GRIN2A: variants seen among roughly 807,000 people sequenced by gnomAD.
The protein encoded by GRIN2A is glutamate ionotropic receptor NMDA type subunit 2A.
GRIN2A carries 22 observed loss-of-function variants against 113.4 expected under a neutral mutation model. The observed-to-expected ratio is 0.19, with a 90% CI of 0.14 to 0.28. The LOEUF is 0.28. GRIN2A is among the 10% of genes least tolerant of loss of function. The pLI, the probability that GRIN2A is intolerant of heterozygous loss-of-function variation, is 1.00. For missense variants in GRIN2A, 1,502 were observed against 1,887.0 expected, an observed-to-expected ratio of 0.80 and a Z score of 3.78; for synonymous variants, 827 against 738.4, an observed-to-expected ratio of 1.12 and a Z score of -1.94.
At chr16:9,948,764 G>A (rs1004073864) in intron 2 of GRIN2A, among the ~76,000 whole-genome samples, 1 of 152,216 alleles carries the variant, frequency 6.6e-6, no homozygotes, top group African/African-American at 2.4e-5. Context: ...AAGCCATCCA[G>A]GAACGAGAAG....
chr16:10,170,436 A>T (rs1435717044), intron 2 of GRIN2A, among the ~76,000 whole-genome samples: 1 of 152,230 alleles, frequency 6.6e-6, no homozygotes, highest in African/African-American at 2.4e-5. Context: ...GCATGGTGAC[A>T]ATACAAAAAT....
chr16:10,124,489 C>T (rs916446532), intron 2 of GRIN2A, among the ~76,000 whole-genome samples: 4 of 152,016 alleles, frequency 2.6e-5, no homozygotes, highest in Admixed American at 1.3e-4. Context: ...TTTGTTTATC[C>T]GGGCAAGCGG....
At chr16:9,779,379 G>T (rs1343688408) in intron 11 of GRIN2A, among the ~76,000 whole-genome samples, 1 of 152,200 alleles carries the variant, frequency 6.6e-6, no homozygotes, top group East Asian at 1.9e-4. Flanking sequence ...TTGTCAACAA[G>T]TTCCTTGAAG....
chr16:9,890,865 C>T, intron 4 of GRIN2A, 121 bp downstream of exon 4: 2 of 720,090 alleles, frequency 2.8e-6, no homozygotes, highest in South Asian at 1.5e-5. Context: ...GTGCTCTTGG[C>T]TGTGAGATGG....
rs570784580 is a variant in GRIN2A, at chr16:10,006,779, C to T, written c.415-68228G>A. ...AACCCTCCCTATTTCCCAGCACCCT[C>T]TCTCACAACTACCCTTCCCAGACTC... On this transcript the variant is annotated intron_variant, in intron 2 of 12. Transcript: ENST00000330684. Among the ~76,000 whole-genome samples the T allele has an allele frequency of 3.9e-5, 6 of 152,304 alleles. No homozygotes were observed. The South Asian group carries it at 1.2e-3, about 32-fold the overall frequency.
At chr16:9,823,067 T>C (rs1374643361) in intron 9 of GRIN2A, among the ~76,000 whole-genome samples, 1 of 152,214 alleles carries the variant, frequency 6.6e-6, no homozygotes, top group East Asian at 1.9e-4. Flanking sequence ...AGAGTCCCTG[T>C]TGATCTTTAG....
intron 2 of GRIN2A, among the ~76,000 whole-genome samples, chr16:9,973,808 A>G (rs933990068): frequency 6.6e-5 from 10 of 152,200 alleles, no homozygotes; most frequent in Non-Finnish European, 1.5e-4. Flanking sequence ...AAATTCTATA[A>G]TTAGTGAAAA....
intron 2 of GRIN2A, among the ~76,000 whole-genome samples, chr16:10,111,090 A>C (rs2048604338): frequency 6.6e-6 from 1 of 152,252 alleles, no homozygotes; most frequent in African/African-American, 2.4e-5. Context: ...GAAATGAGAC[A>C]GTTTGGAGGC....
At chr16:9,947,383 G>A (rs141102662) in intron 2 of GRIN2A, among the ~76,000 whole-genome samples, 15 of 152,330 alleles carry the variant, frequency 9.8e-5, no homozygotes, top group African/African-American at 3.4e-4. Flanking sequence ...TTCCAGCAAA[G>A]AGAAAAAGCA....
intron 2 of GRIN2A, among the ~76,000 whole-genome samples, chr16:10,047,586 C>G (rs903661843): frequency 6.6e-6 from 1 of 152,178 alleles, no homozygotes; most frequent in East Asian, 1.9e-4. Flanking sequence ...GGTGCTCCAC[C>G]TGAACTGCCT....
rs763270712 is a variant in GRIN2A, at chr16:9,764,408, G to T, written c.3136C>A (p.Leu1046Ile). 1 of 1,614,080 alleles carries T rather than the reference G, an allele frequency of 6.2e-7. No homozygotes were observed. Among genetic ancestry groups the T allele is most frequent in the Non-Finnish European group, 8.5e-7 (1 of 1,179,966 alleles). ...TCTGGAAGATACCTAGGGCTCTTTA[G>T]GGAGTGGGTCCTATTCTCTGCTGTT... ...EATAENRTHS[L>I]KSPRYLPEEM... is the part of the protein sequence containing the mutation. Residue 1046 changes from leucine (L) to isoleucine (I), a missense_variant, in exon 13 of 13, where the codon CTA becomes ATA. Physicochemically the swap from Leu to Ile is conservative, Grantham distance 5. Coordinates refer to ENST00000330684, the MANE Select transcript of GRIN2A (RefSeq NM_001134407.3).
At chr16:9,887,188 G>A (rs964486673) in intron 4 of GRIN2A, among the ~76,000 whole-genome samples, 1 of 151,970 alleles carries the variant, frequency 6.6e-6, no homozygotes, top group East Asian at 1.9e-4. Context: ...AGCCCGGCCC[G>A]GATTTAGGTT....
At chr16:10,017,100 A>G (rs1195426827) in intron 2 of GRIN2A, among the ~76,000 whole-genome samples, 4 of 152,234 alleles carry the variant, frequency 2.6e-5, no homozygotes, top group Non-Finnish European at 5.9e-5. Context: ...GTTTGAGTCC[A>G]GAGCCGACAA....
intron 2 of GRIN2A, among the ~76,000 whole-genome samples, chr16:9,964,476 C>T (rs552102902): frequency 6.6e-6 from 1 of 152,244 alleles, no homozygotes; most frequent in South Asian, 2.1e-4. Context: ...CTTAAATAAT[C>T]CTCACTTATT....
chr16:10,047,060 A>G (rs1478465293), intron 2 of GRIN2A, among the ~76,000 whole-genome samples: 1 of 152,204 alleles, frequency 6.6e-6, no homozygotes, highest in Non-Finnish European at 1.5e-5. Flanking sequence ...CATGACAACC[A>G]AAGCTGTCTC....
intron 2 of GRIN2A, among the ~76,000 whole-genome samples, chr16:10,057,481 A>C (rs973970777): frequency 1.8e-4 from 28 of 152,310 alleles, no homozygotes; most frequent in African/African-American, 6.3e-4. Flanking sequence ...CATACAAGTA[A>C]ATATATATTT....
intron 2 of GRIN2A, among the ~76,000 whole-genome samples, chr16:10,037,868 C>T (rs2047064054): frequency 6.6e-6 from 1 of 152,186 alleles, no homozygotes; most frequent in South Asian, 2.1e-4. Flanking sequence ...ATCCTCTTGT[C>T]TCAGCCTCCC....
chr16:10,069,616 A>ATAG (rs776846045), intron 2 of GRIN2A, among the ~76,000 whole-genome samples: 11 of 152,272 alleles, frequency 7.2e-5, no homozygotes, highest in Non-Finnish European at 1.5e-4. Context: ...AGGGACAGAT[A>ATAG]TAGTAGCAGG....
At chr16:9,842,211 G>A (rs1025159754) in intron 5 of GRIN2A, among the ~76,000 whole-genome samples, 7 of 151,004 alleles carry the variant, frequency 4.6e-5, no homozygotes, top group African/African-American at 1.2e-4. Context: ...ATATCATGCC[G>A]TTGTACTCAA....
Sources: gnomAD v4.1 joint callset for allele counts (sites outside exome capture counted in the v4.1 genomes callset) on GRCh38, gnomAD v4.1.1 for gene constraint, MANE v1.5 for transcripts, NCBI Gene and HGNC (gene_info 2026-07-23, HGNC 2026-07-21) for gene names.